SDK2: variants seen among roughly 807,000 people sequenced by gnomAD.
SDK2 encodes sidekick cell adhesion molecule 2, also known as protein sidekick-2.
Under a neutral mutation model 253.9 loss-of-function variants are expected in SDK2, and 105 were observed. The ratio of observed to expected loss-of-function variants is 0.41; its 90% CI spans 0.35 to 0.49. SDK2 has a LOEUF of 0.49. SDK2 is among the 20% of genes least tolerant of loss of function. The pLI, the probability that SDK2 is intolerant of heterozygous loss-of-function variation, is 0.06. For missense variants in SDK2, 2,608 were observed against 3,003.0 expected (o/e 0.87, Z 3.07); for synonymous variants, 1,249 against 1,234.9 (o/e 1.01, Z -0.24).
At chr17:73,548,049 A>G (rs2044993833) in intron 1 of SDK2, among the ~76,000 whole-genome samples, 1 of 152,194 alleles carries the variant, frequency 6.6e-6, no homozygotes, top group African/African-American at 2.4e-5. Flanking sequence ...ACTCACTATT[A>G]CGAGAACGGC....
At chr17:73,445,945 C>A (rs1235692242) in intron 5 of SDK2, among the ~76,000 whole-genome samples, 2 of 152,040 alleles carry the variant, frequency 1.3e-5, no homozygotes, top group African/African-American at 2.4e-5. Context: ...CTCCCTGGGG[C>A]CAGCTGGAGG....
In SDK2 at chr17:73,511,720, G is replaced by A. The variant is rs2063982320; in HGVS notation, c.65-4123C>T. Among the ~76,000 whole-genome samples the A allele has an allele frequency of 6.6e-6, 1 of 152,144 alleles. No individual in the cohort carries two copies. The highest frequency in any genetic ancestry group is 1.5e-5 in the Non-Finnish European group (1 of 68,014). On this transcript the variant is annotated intron_variant, in intron 1 of 44. Transcript: ENST00000392650. The surrounding 1 kb of genome is among the most constrained non-coding windows in gnomAD (Gnocchi z 4.9). ...CCCCTGGATACAGGGATCCTGGGAG[G>A]GACGCCCTACCTAGGACTCTGAGCA...
intron 1 of SDK2, among the ~76,000 whole-genome samples, chr17:73,524,831 G>T (rs563059234): frequency 2.0e-5 from 3 of 152,270 alleles, no homozygotes; most frequent in Non-Finnish European, 2.9e-5. Flanking sequence ...TACAATGCAT[G>T]AAGCGGTTTG....
Position 73,561,522 on chromosome 17 carries a change from G to C in SDK2, c.65-53925C>G, listed in dbSNP as rs75990814. Among the ~76,000 whole-genome samples the C allele has an allele frequency of 7.0e-4, 107 of 152,340 alleles. 1 individual carries two copies. The East Asian group carries it at 0.016, about 23-fold the overall frequency. ...CTTCTTCAGGCCATACTGTGTGGTTGTTGTCCTGGGCTCTAGGAGACATGA... is the reference window on the plus strand; with the variant it reads ...CTTCTTCAGGCCATACTGTGTGGTTCTTGTCCTGGGCTCTAGGAGACATGA... On this transcript the variant is annotated intron_variant, in intron 1 of 44. Transcript: ENST00000392650.
At position 73,554,938 on chromosome 17, in the gene SDK2, C is replaced by T. The variant is rs559438854; in HGVS notation, c.65-47341G>A. Among the ~76,000 whole-genome samples the T allele has an allele frequency of 1.4e-4, 21 of 152,380 alleles. No homozygotes were observed. The South Asian group carries it at 4.1e-3, about 30-fold the overall frequency. On this transcript the variant is annotated intron_variant, in intron 1 of 44. Transcript: ENST00000392650. ...TTTCCTCCTGCCAAGACCTGAGTCT[C>T]TTCCATCTTCAGGAGCCCTCGAGGT...
rs188092135 is a variant in SDK2, at chr17:73,567,948, C to A, written c.65-60351G>T. 4.0e-3 allele frequency among the ~76,000 whole-genome samples: 607 copies of A among 152,214 alleles called. 4 individuals are homozygous for A. The highest frequency in any genetic ancestry group is 8.6e-3 in the African/African-American group (357 of 41,534). ...ACTTTAAACTTTTTGAGTTGATACT[C>A]AAATGAGTTTAGACTTTCAAGGACT... On this transcript the variant is annotated intron_variant, in intron 1 of 44. Transcript: ENST00000392650.
intron 18 of SDK2, among the ~76,000 whole-genome samples, chr17:73,404,906 T>C (rs11077679): frequency 1 from 151,294 of 152,018 alleles, 75,291 homozygotes; most frequent in Middle Eastern, 1. Context: ...TGGAGGGTGT[T>C]GGGGGAGGGC....
At chr17:73,624,510 A>C (rs953528367) in intron 1 of SDK2, among the ~76,000 whole-genome samples, 3 of 152,060 alleles carry the variant, frequency 2.0e-5, no homozygotes, top group Non-Finnish European at 1.5e-5. Context: ...AGAACTGATC[A>C]CTCCTATTTT....
chr17:73,528,923 C>T (rs780310587), intron 1 of SDK2, among the ~76,000 whole-genome samples: 18 of 152,190 alleles, frequency 1.2e-4, no homozygotes, highest in Non-Finnish European at 2.1e-4. Flanking sequence ...GAGCAGGCCT[C>T]GCCCCTGCAC....
chr17:73,533,059 T>A (rs562649564), intron 1 of SDK2, among the ~76,000 whole-genome samples: 2 of 152,344 alleles, frequency 1.3e-5, no homozygotes, highest in East Asian at 3.9e-4. Flanking sequence ...CCCATCTTGC[T>A]CCTGCCTTTC....
intron 44 of SDK2, among the ~76,000 whole-genome samples, chr17:73,347,781 TC>T (rs199814910): frequency 2.2e-5 from 1 of 45,708 alleles, no homozygotes; most frequent in African/African-American, 8.6e-5. Flanking sequence ...CACAGCCCCT[TC>T]CCCACACAGC....
In SDK2 at chr17:73,379,163, C is replaced by A. The variant is rs1472323166; in HGVS notation, c.4980+14G>T. On this transcript the variant is annotated intron_variant, in intron 36 of 44. Transcript: ENST00000392650. The surrounding 1 kb of genome is among the most constrained non-coding windows in gnomAD (Gnocchi z 4.5). ...CATCCGTGCACCCCTTTGCTCTGCC[C>A]GAGGGCACCCTACCTTGTACCCCTG... 39 of 1,548,012 alleles carry A rather than the reference C, an allele frequency of 2.5e-5. No homozygotes were observed. Among genetic ancestry groups the A allele is most frequent in the Non-Finnish European group, 3.1e-5 (35 of 1,143,304 alleles).
At chr17:73,588,493 G>C (rs186855828) in intron 1 of SDK2, among the ~76,000 whole-genome samples, 1 of 151,716 alleles carries the variant, frequency 6.6e-6, no homozygotes. Flanking sequence ...GTTTGTGACT[G>C]AGCAAGTATC....
intron 33 of SDK2, among the ~76,000 whole-genome samples, chr17:73,381,671 A>G (rs1568374316): frequency 6.6e-6 from 1 of 151,888 alleles, no homozygotes; most frequent in African/African-American, 2.4e-5. Flanking sequence ...ACCTGAGGTC[A>G]GGAGTTCGAG....
At chr17:73,342,861 G>T (rs1045710644) in intron 44 of SDK2, among the ~76,000 whole-genome samples, 1 of 146,736 alleles carries the variant, frequency 6.8e-6, no homozygotes, top group Non-Finnish European at 1.5e-5. Context: ...ACCCAGGAGA[G>T]AATGCTGTAA....
chr17:73,360,962 A>T (rs2062634792), intron 39 of SDK2, among the ~76,000 whole-genome samples: 1 of 150,202 alleles, frequency 6.7e-6, no homozygotes, highest in African/African-American at 2.4e-5. Flanking sequence ...AAGCCCAAAC[A>T]ACAACAACAG....
chr17:73,445,301 C>T (rs555137677), intron 5 of SDK2, among the ~76,000 whole-genome samples: 17 of 152,146 alleles, frequency 1.1e-4, no homozygotes, highest in East Asian at 3.8e-4. Flanking sequence ...TGAATGTCAA[C>T]GATTTCTTTT....
intron 18 of SDK2, among the ~76,000 whole-genome samples, chr17:73,408,424 C>T (rs1424305619): frequency 6.6e-6 from 1 of 151,696 alleles, no homozygotes; most frequent in Non-Finnish European, 1.5e-5. Context: ...CGGGGTTTCA[C>T]CGTGTTAGCC....
chr17:73,438,246 G>A, intron 6 of SDK2, 92 bp from the exon 7 acceptor site: 2 of 1,254,012 alleles, frequency 1.6e-6, no homozygotes, highest in South Asian at 1.5e-5. Flanking sequence ...TGTGGGCTTG[G>A]GAGCCGGGCT....
Sources: allele counts gnomAD v4.1 joint callset (sites outside exome capture counted in the v4.1 genomes callset), GRCh38; gene constraint gnomAD v4.1.1; non-coding constraint Gnocchi (gnomAD v3.1); transcripts MANE v1.5; gene names NCBI Gene and HGNC (gene_info 2026-07-23, HGNC 2026-07-21).